Variants in WSCD2 observed in about 807,000 individuals in gnomAD.
WSCD2 encodes the protein sialate:O-sulfotransferase 2.
In WSCD2, 28 loss-of-function variants were observed where a neutral mutation model predicts 55.7. The ratio of observed to expected loss-of-function variants is 0.50; its 90% CI spans 0.37 to 0.69. The LOEUF (loss-of-function observed/expected upper bound fraction) is 0.69, where lower values mean the gene tolerates loss of function less well. WSCD2 is among the 30% of genes least tolerant of loss of function. WSCD2 has a pLI of 0.00. For synonymous variants in WSCD2, 301 were observed against 301.9 expected, an observed-to-expected ratio of 1.00 and a Z score of 0.03; for missense variants, 616 against 762.1, an observed-to-expected ratio of 0.81 and a Z score of 2.26.
Position 108,195,675 on chromosome 12 carries a change from C to G in WSCD2, c.-158C>G. Reference sequence around the variant, plus strand: ...GCCTCAGCCAAGCATTGAACTTGCCCTCCCCTTCTGGCCTTGGTGATCACT... The same window carrying G: ...GCCTCAGCCAAGCATTGAACTTGCCGTCCCCTTCTGGCCTTGGTGATCACT... On this transcript the variant is annotated 5_prime_UTR_variant, in exon 2 of 9. Transcript: ENST00000547525. The G allele has an allele frequency of 9.6e-7, 1 of 1,045,404 alleles. No homozygotes were observed. The highest frequency in any genetic ancestry group is 3.2e-4 in the Middle Eastern group (1 of 3,156). 64.8% of individuals were successfully genotyped at this position (1,045,404 alleles called of 1,614,324 possible). A position where few individuals can be genotyped will look rare whatever the true frequency, so the allele number is the denominator to read the frequency against.
chr12:108,240,179 C>A (rs948036063), intron 7 of WSCD2, among the ~76,000 whole-genome samples, 165 bp from the exon 8 acceptor site: 1 of 152,194 alleles, frequency 6.6e-6, no homozygotes, highest in Admixed American at 6.5e-5. Context: ...ATTTTAATCC[C>A]GGGGTCCTAG....
chr12:108,211,362 C>T lies in WSCD2; in HGVS notation c.682+1057C>T, dbSNP rs185801674. ...GTGTCTGAGAGTTCCCCTGGGAGAT[C>T]TTGTTAAAATGCAGATTCCAATTCA... is the stretch of plus-strand genomic sequence containing the variant. On this transcript the variant is annotated intron_variant, in intron 4 of 8. Coordinates refer to ENST00000547525, the MANE Select transcript of WSCD2 (RefSeq NM_014653.4). Among the ~76,000 whole-genome samples the T allele has an allele frequency of 1.0e-3, 153 of 152,290 alleles. 1 individual carries two copies. Among genetic ancestry groups the T allele is most frequent in the African/African-American group, 3.3e-3 (137 of 41,554 alleles).
chr12:108,188,827 C>T (rs756541850), intron 1 of WSCD2, among the ~76,000 whole-genome samples: 4 of 152,278 alleles, frequency 2.6e-5, no homozygotes, highest in South Asian at 2.1e-4. Context: ...GCATAGTGTC[C>T]GCCATGGCAT....
At chr12:108,189,067 G>A (rs1188949546) in intron 1 of WSCD2, among the ~76,000 whole-genome samples, 3 of 152,100 alleles carry the variant, frequency 2.0e-5, no homozygotes, top group African/African-American at 4.8e-5. Flanking sequence ...AGGGAAGACT[G>A]GAAATATTTT....
intron 2 of WSCD2, among the ~76,000 whole-genome samples, chr12:108,204,534 C>T (rs1422205307): frequency 6.6e-6 from 1 of 152,250 alleles, no homozygotes; most frequent in Non-Finnish European, 1.5e-5. Context: ...CAGGTGTGAA[C>T]AGCATTCGTG....
At chr12:108,142,313 C>A (rs1161169627) in intron 1 of WSCD2, among the ~76,000 whole-genome samples, 1 of 152,086 alleles carries the variant, frequency 6.6e-6, no homozygotes, top group Non-Finnish European at 1.5e-5. Context: ...TTTTATGTAG[C>A]CTCCTCTACT....
At chr12:108,170,663 C>G (rs1282587900) in intron 1 of WSCD2, among the ~76,000 whole-genome samples, 1 of 152,182 alleles carries the variant, frequency 6.6e-6, no homozygotes, top group African/African-American at 2.4e-5. Context: ...AATAGCAGTT[C>G]TGGGTAACAC....
intron 1 of WSCD2, among the ~76,000 whole-genome samples, chr12:108,186,843 G>A (rs574260546): frequency 6.6e-6 from 1 of 152,240 alleles, no homozygotes; most frequent in Admixed American, 6.5e-5. Flanking sequence ...GGTAAGAAGA[G>A]ACAAATGAAA....
At chr12:108,169,739 A>G (rs1880030601) in intron 1 of WSCD2, among the ~76,000 whole-genome samples, 1 of 152,186 alleles carries the variant, frequency 6.6e-6, no homozygotes, top group South Asian at 2.1e-4. Flanking sequence ...GACAGTTTCC[A>G]GGGTCATGGT....
chr12:108,185,290 C>T (rs981804385), intron 1 of WSCD2, among the ~76,000 whole-genome samples: 7 of 152,160 alleles, frequency 4.6e-5, no homozygotes, highest in African/African-American at 7.2e-5. Context: ...AAATGGGCTC[C>T]GGTCACACTG....
At chr12:108,223,836 C>G (rs1380198340) in intron 4 of WSCD2, among the ~76,000 whole-genome samples, 2 of 152,178 alleles carry the variant, frequency 1.3e-5, no homozygotes, top group African/African-American at 4.8e-5. Flanking sequence ...GGCAAGCCAG[C>G]CCCCTTTCCT....
At chr12:108,177,957 C>T (rs1269498541) in intron 1 of WSCD2, among the ~76,000 whole-genome samples, 5 of 151,774 alleles carry the variant, frequency 3.3e-5, no homozygotes, top group African/African-American at 1.2e-4. Flanking sequence ...CTTGTTTTTA[C>T]CATGCCACAT....
chr12:108,227,030 G>C lies in WSCD2; in HGVS notation c.845G>C (p.Cys282Ser). ...GCTCTTGCAGGCACCGCCTGCCACTGTGGGTTTCCCACCACCCGATTCCCG... is the reference window on the plus strand; with the variant it reads ...GCTCTTGCAGGCACCGCCTGCCACTCTGGGTTTCCCACCACCCGATTCCCG... The part of the protein sequence containing the change: ...LAALAGTACH[C>S]GFPTTRFPLH... Residue 282 changes from cysteine to serine, a missense_variant, in exon 6 of 9, where the codon TGT (cysteine) becomes TCT (serine). Transcript: ENST00000547525. 6.2e-7 allele frequency: 1 copy of C among 1,614,206 alleles called. No individual in the cohort carries two copies. The highest frequency in any genetic ancestry group is 8.5e-7 in the Non-Finnish European group (1 of 1,180,036).
intron 1 of WSCD2, among the ~76,000 whole-genome samples, chr12:108,168,147 A>G (rs1879850259): frequency 6.6e-6 from 1 of 152,192 alleles, no homozygotes; most frequent in African/African-American, 2.4e-5. Flanking sequence ...TGGGGGCAAC[A>G]TTGACTCGGC....
At chr12:108,130,569 G>A (rs910485055) in intron 1 of WSCD2, among the ~76,000 whole-genome samples, 1 of 151,458 alleles carries the variant, frequency 6.6e-6, no homozygotes, top group African/African-American at 2.4e-5. Context: ...CAGCCAAATC[G>A]CCTCCTTGCA....
chr12:108,159,855 A>C (rs1878885518), intron 1 of WSCD2, among the ~76,000 whole-genome samples: 1 of 152,092 alleles, frequency 6.6e-6, no homozygotes, highest in African/African-American at 2.4e-5. Flanking sequence ...TCTCCTATAC[A>C]ATCTGCCCCT....
At chr12:108,165,139 G>T (rs73199523) in intron 1 of WSCD2, among the ~76,000 whole-genome samples, 14,168 of 152,164 alleles carry the variant, frequency 0.093, 815 homozygotes, top group African/African-American at 0.16. Flanking sequence ...GGAGTGGTGG[G>T]TTGGCAGGGT....
At chr12:108,170,575 C>T (rs1174990001) in intron 1 of WSCD2, among the ~76,000 whole-genome samples, 1 of 152,166 alleles carries the variant, frequency 6.6e-6, no homozygotes, top group Non-Finnish European at 1.5e-5. Flanking sequence ...GAATCCACCA[C>T]CGGCTAGTTG....
At chr12:108,186,843 G>C (rs574260546) in intron 1 of WSCD2, among the ~76,000 whole-genome samples, 1 of 152,122 alleles carries the variant, frequency 6.6e-6, no homozygotes, top group Non-Finnish European at 1.5e-5. Flanking sequence ...GGTAAGAAGA[G>C]ACAAATGAAA....
Sources: allele counts gnomAD v4.1 joint callset (sites outside exome capture counted in the v4.1 genomes callset), GRCh38; gene constraint gnomAD v4.1.1; transcripts MANE v1.5; gene names NCBI Gene and HGNC (gene_info 2026-07-23, HGNC 2026-07-21).